Variants in PSME3IP1 observed in about 807,000 individuals in gnomAD.
The protein encoded by PSME3IP1 is PSME3-interacting protein.
A neutral mutation model predicts 34.1 loss-of-function variants in PSME3IP1; 13 were observed. The observed-to-expected ratio is 0.38, with a 90% confidence interval of 0.25 to 0.61. PSME3IP1 has a LOEUF of 0.61. PSME3IP1 is among the 20% of genes least tolerant of loss of function. The probability of loss-of-function intolerance (pLI) is 0.60; values close to 1 mark genes in which losing one functional copy is unlikely to be tolerated. For missense variants in PSME3IP1, 237 were observed against 301.4 expected, an observed-to-expected ratio of 0.79 and a Z score of 1.58; for synonymous variants, 93 against 114.3, an observed-to-expected ratio of 0.81 and a Z score of 1.19.
chr16:57,165,698 C>G (rs1204901432), intron 5 of PSME3IP1, among the ~76,000 whole-genome samples: 1 of 152,188 alleles, frequency 6.6e-6, no homozygotes, highest in Admixed American at 6.5e-5. Context: ...TTCCAATAAA[C>G]TCAGGGTCGG....
Position 57,167,106 on chromosome 16 carries a change from C to T in PSME3IP1, c.469G>A (p.Val157Met). 1 of 1,613,736 alleles carries T rather than the reference C, an allele frequency of 6.2e-7. No homozygotes were observed. Among genetic ancestry groups the T allele is most frequent in the African/African-American group, 1.3e-5 (1 of 75,036 alleles). ...FSQAKLLAGAVKHKSSESGNS... is the reference protein window; with the variant it reads ...FSQAKLLAGAMKHKSSESGNS... ...GTGCTGACTAACCTCTTATGCTTCA[C>T]AGCTCCTGCCAACAGCTTCGCCTGG... Residue 157 changes from valine (V) to methionine (M), a missense_variant, in exon 5 of 7, where the codon GTG (valine) becomes ATG (methionine). Val to Met is a conservative substitution (Grantham distance 21). Coordinates refer to ENST00000309137, the MANE Select transcript of PSME3IP1 (RefSeq NM_024946.4).
chr16:57,158,907 A>G (rs1449470944), intron 6 of PSME3IP1, among the ~76,000 whole-genome samples: 1 of 152,234 alleles, frequency 6.6e-6, no homozygotes, highest in African/African-American at 2.4e-5. Flanking sequence ...CTGTAATACA[A>G]TGGTCAGTAT....
chr16:57,172,631 G>A (rs1046907758), intron 3 of PSME3IP1, 145 bp downstream of exon 3: 15 of 759,806 alleles, frequency 2.0e-5, no homozygotes, highest in African/African-American at 3.5e-5. Context: ...AAGGCTGAAG[G>A]CTGTCTCTTT....
rs1475455733 is a variant in PSME3IP1, at chr16:57,157,617, TTTTC to T, written c.548-3114_548-3111del. Among the ~76,000 whole-genome samples the T allele has an allele frequency of 2.8e-4, 43 of 151,846 alleles. 1 individual carries two copies. Among genetic ancestry groups the T allele is most frequent in the Non-Finnish European group, 4.4e-5 (3 of 67,934 alleles). On this transcript the variant is annotated intron_variant, in intron 6 of 6. Transcript: ENST00000309137. ...CCTTTTGAATTTTTCCTTTTCTTTT[TTTTC>T]TTTTTTTTTTTTAAGAACATAAGGC...
intron 1 of PSME3IP1, among the ~76,000 whole-genome samples, chr16:57,183,319 G>C (rs1164150828): frequency 6.6e-6 from 1 of 152,076 alleles, no homozygotes; most frequent in Non-Finnish European, 1.5e-5. Flanking sequence ...CACTAAATAT[G>C]CTGGAAATTT....
intron 5 of PSME3IP1, among the ~76,000 whole-genome samples, 176 bp from the exon 6 acceptor site, chr16:57,164,241 TCA>T (rs1439728108): frequency 5.3e-5 from 8 of 152,232 alleles, no homozygotes; most frequent in South Asian, 2.1e-4. Flanking sequence ...AATTGCATCA[TCA>T]GTCATAAAGA....
intron 3 of PSME3IP1, among the ~76,000 whole-genome samples, 163 bp downstream of exon 3, chr16:57,172,613 T>C (rs1176504947): frequency 6.6e-6 from 1 of 152,196 alleles, no homozygotes; most frequent in African/African-American, 2.4e-5. Flanking sequence ...ATATTCAATG[T>C]GGTCTAGAAG....
intron 4 of PSME3IP1, among the ~76,000 whole-genome samples, chr16:57,171,302 G>A (rs1220396616): frequency 6.6e-6 from 1 of 152,184 alleles, no homozygotes; most frequent in Non-Finnish European, 1.5e-5. Flanking sequence ...CAGTCAACAT[G>A]AGAAAGAGTG....
intron 6 of PSME3IP1, among the ~76,000 whole-genome samples, chr16:57,156,488 G>A (rs942245271): frequency 6.6e-6 from 1 of 152,184 alleles, no homozygotes; most frequent in South Asian, 2.1e-4. Context: ...CAAAGTTCAG[G>A]AGATCAATGT....
intron 4 of PSME3IP1, among the ~76,000 whole-genome samples, chr16:57,168,784 C>G (rs1255406849): frequency 8.1e-5 from 7 of 86,642 alleles, no homozygotes; most frequent in Admixed American, 3.9e-4. Context: ...GCCTGGGTAA[C>G]AAGAGCGAAA....
chr16:57,157,006 A>C, intron 6 of PSME3IP1, among the ~76,000 whole-genome samples: 1 of 152,214 alleles, frequency 6.6e-6, no homozygotes, highest in Non-Finnish European at 1.5e-5. Context: ...CTACTATTCA[A>C]CCATGAAGAA....
intron 1 of PSME3IP1, chr16:57,174,123 G>A (rs1193842572): frequency 1.9e-5 from 6 of 320,382 alleles, no homozygotes; most frequent in Non-Finnish European, 3.5e-5. Flanking sequence ...GTGAAACCCC[G>A]TCTCTACTAA....
chr16:57,167,931 G>A (rs757788733), intron 4 of PSME3IP1, among the ~76,000 whole-genome samples: 1 of 152,126 alleles, frequency 6.6e-6, no homozygotes, highest in Non-Finnish European at 1.5e-5. Flanking sequence ...TGACCAGTTC[G>A]CTTGTAACAT....
At chr16:57,171,206 C>T (rs1048012285) in intron 4 of PSME3IP1, among the ~76,000 whole-genome samples, 4 of 152,074 alleles carry the variant, frequency 2.6e-5, no homozygotes, top group Non-Finnish European at 4.4e-5. Flanking sequence ...ACATTTTGGG[C>T]TGAGGAAACA....
intron 1 of PSME3IP1, among the ~76,000 whole-genome samples, chr16:57,179,105 C>A (rs1424749867): frequency 2.0e-5 from 3 of 152,226 alleles, no homozygotes; most frequent in Admixed American, 6.5e-5. Flanking sequence ...ATTAGGAATG[C>A]TTACTTTGTC....
At chr16:57,183,340 AT>A (rs1212853282) in intron 1 of PSME3IP1, among the ~76,000 whole-genome samples, 72 of 150,478 alleles carry the variant, frequency 4.8e-4, no homozygotes, top group African/African-American at 6.6e-4. Context: ...GTCAAAAATA[AT>A]TTTTTTTTTG....
chr16:57,157,167 G>C (rs970980336), intron 6 of PSME3IP1, among the ~76,000 whole-genome samples: 2 of 151,880 alleles, frequency 1.3e-5, no homozygotes, highest in African/African-American at 2.4e-5. Context: ...AAATTAGCCG[G>C]GTGTGGTGGT....
intron 4 of PSME3IP1, among the ~76,000 whole-genome samples, chr16:57,170,438 AACTAGTACATATAC>A (rs748501479): frequency 6.6e-6 from 1 of 152,214 alleles, no homozygotes; most frequent in Non-Finnish European, 1.5e-5. Flanking sequence ...AGAAAATACC[AACTAGTACATATAC>A]ACAGTAATGT....
At chr16:57,172,982 T>C in intron 2 of PSME3IP1, 108 bp from the exon 3 acceptor site, 1 of 754,174 alleles carries the variant, frequency 1.3e-6, no homozygotes, top group Non-Finnish European at 2.3e-6. Flanking sequence ...CAAAGTCAAG[T>C]CTCTGCATGA....
Sources: gnomAD v4.1 joint callset for allele counts (sites outside exome capture counted in the v4.1 genomes callset) on GRCh38, gnomAD v4.1.1 for gene constraint, MANE v1.5 for transcripts, NCBI Gene and HGNC (gene_info 2026-07-23, HGNC 2026-07-21) for gene names.